The following NPAS3 variants were observed in gnomAD, a reference collection of about 807,000 sequenced individuals.
The protein encoded by NPAS3 is neuronal PAS domain-containing protein 3.
Under a neutral mutation model 73.1 loss-of-function variants are expected in NPAS3, and 14 were observed. The observed-to-expected ratio is 0.19, with a 90% CI of 0.13 to 0.30. The LOEUF is 0.30. NPAS3 is among the 10% of genes least tolerant of loss of function. The pLI, the probability that NPAS3 is intolerant of heterozygous loss-of-function variation, is 1.00. For synonymous variants in NPAS3, 620 were observed against 541.5 expected (o/e 1.14, Z -2.01); for missense variants, 1,096 against 1,250.0 (o/e 0.88, Z 1.86).
At chr14:33,484,431 C>T (rs531111639) in intron 4 of NPAS3, among the ~76,000 whole-genome samples, 14 of 152,252 alleles carry the variant, frequency 9.2e-5, no homozygotes, top group South Asian at 4.1e-4. Flanking sequence ...ACCTTCTTCC[C>T]GTAGTGTGTT....
At chr14:33,410,602 C>T (rs1305891900) in intron 4 of NPAS3, among the ~76,000 whole-genome samples, 1 of 152,160 alleles carries the variant, frequency 6.6e-6, no homozygotes, top group African/African-American at 2.4e-5. Flanking sequence ...GTCAGATCAT[C>T]ACAAAAATGT....
chr14:33,250,634 T>C (rs967244925), intron 3 of NPAS3, among the ~76,000 whole-genome samples: 7 of 152,164 alleles, frequency 4.6e-5, no homozygotes, highest in Non-Finnish European at 8.8e-5. Context: ...CCATCAGTTA[T>C]ATTTATTTGA....
chr14:33,299,395 A>G (rs2042433275), intron 3 of NPAS3, among the ~76,000 whole-genome samples: 1 of 152,084 alleles, frequency 6.6e-6, no homozygotes, highest in Non-Finnish European at 1.5e-5. Context: ...GTTAGAAGAA[A>G]AGCGTGCCCT....
chr14:33,446,417 C>T (rs1304950266), intron 4 of NPAS3, among the ~76,000 whole-genome samples: 11 of 151,924 alleles, frequency 7.2e-5, no homozygotes, highest in African/African-American at 2.7e-4. Flanking sequence ...CCTCATGATC[C>T]ACCCGCCTCG....
At chr14:33,172,506 C>A (rs1430924986) in intron 2 of NPAS3, among the ~76,000 whole-genome samples, 1 of 152,110 alleles carries the variant, frequency 6.6e-6, no homozygotes, top group Non-Finnish European at 1.5e-5. Context: ...GAGGCCAAGG[C>A]AGGCAGATCA....
chr14:33,714,531 G>A (rs2060908403), intron 6 of NPAS3, among the ~76,000 whole-genome samples: 1 of 152,146 alleles, frequency 6.6e-6, no homozygotes, highest in Admixed American at 6.5e-5. Context: ...ATGGATACTT[G>A]GGAGGAGATA....
intron 5 of NPAS3, among the ~76,000 whole-genome samples, chr14:33,578,727 C>T (rs1056212785): frequency 2.0e-5 from 3 of 152,176 alleles, no homozygotes; most frequent in Non-Finnish European, 4.4e-5. Flanking sequence ...CAGTCTTCCA[C>T]TTTAATCAAC....
At chr14:33,794,110 T>A in intron 10 of NPAS3, 66 bp downstream of exon 10, 1 of 1,399,730 alleles carries the variant, frequency 7.1e-7, no homozygotes, top group South Asian at 1.2e-5. Flanking sequence ...AATATGGCTA[T>A]GGTTAATAGC....
chr14:33,009,853 G>A (rs753623931), intron 1 of NPAS3, among the ~76,000 whole-genome samples: 2 of 152,060 alleles, frequency 1.3e-5, no homozygotes, highest in Admixed American at 6.5e-5. Flanking sequence ...CCAAGCAGGC[G>A]CAGACAAGAC....
At chr14:33,635,479 G>A (rs558616961) in intron 5 of NPAS3, among the ~76,000 whole-genome samples, 4 of 152,136 alleles carry the variant, frequency 2.6e-5, no homozygotes, top group Non-Finnish European at 5.9e-5. Flanking sequence ...TAAAAGCCTT[G>A]GGTTTGTTTA....
intron 2 of NPAS3, among the ~76,000 whole-genome samples, chr14:33,206,686 T>C (rs1204355032): frequency 6.6e-6 from 1 of 152,166 alleles, no homozygotes; most frequent in Non-Finnish European, 1.5e-5. Flanking sequence ...AACATATTCA[T>C]GTTTATATTA....
chr14:33,654,387 T>C (rs1265624052), intron 5 of NPAS3, among the ~76,000 whole-genome samples: 1 of 152,204 alleles, frequency 6.6e-6, no homozygotes, highest in Non-Finnish European at 1.5e-5. Flanking sequence ...CTGCACTGGT[T>C]CTGATTTGCC....
chr14:33,698,750 A>C (rs549109152), intron 6 of NPAS3, among the ~76,000 whole-genome samples: 1 of 152,228 alleles, frequency 6.6e-6, no homozygotes, highest in Admixed American at 6.5e-5. Flanking sequence ...CTTTGCACAA[A>C]GAATATTTAT....
chr14:33,184,279 G>A (rs570291233), intron 2 of NPAS3, among the ~76,000 whole-genome samples: 1 of 152,234 alleles, frequency 6.6e-6, no homozygotes, highest in African/African-American at 2.4e-5. Context: ...TTTTGGAAAG[G>A]GGGAAGCGGC....
chr14:33,437,621 C>T (rs983462944), intron 4 of NPAS3, among the ~76,000 whole-genome samples: 1 of 152,160 alleles, frequency 6.6e-6, no homozygotes, highest in African/African-American at 2.4e-5. Context: ...AGGACAACCA[C>T]TTCAGGATTG....
intron 3 of NPAS3, among the ~76,000 whole-genome samples, chr14:33,326,380 G>A (rs543286860): frequency 6.6e-6 from 1 of 152,250 alleles, no homozygotes; most frequent in African/African-American, 2.4e-5. Flanking sequence ...AAAAACAAAA[G>A]CATCGTATTT....
chr14:33,456,625 A>C (rs1470258241), intron 4 of NPAS3, among the ~76,000 whole-genome samples: 2 of 152,168 alleles, frequency 1.3e-5, no homozygotes, highest in African/African-American at 4.8e-5. Context: ...TGAATCAGGG[A>C]AAGCTTTATA....
chr14:33,685,988 A>G (rs1439947846), intron 6 of NPAS3, among the ~76,000 whole-genome samples: 1 of 152,216 alleles, frequency 6.6e-6, no homozygotes, highest in Admixed American at 6.5e-5. Flanking sequence ...CAAACAGATT[A>G]TTATCATAGA....
intron 4 of NPAS3, among the ~76,000 whole-genome samples, chr14:33,543,967 A>C (rs1257306030): frequency 3.1e-5 from 1 of 31,830 alleles, no homozygotes; most frequent in African/African-American, 3.2e-4. Context: ...ATATATATAT[A>C]TATATATATA....
Sources: gnomAD v4.1 joint callset for allele counts (sites outside exome capture counted in the v4.1 genomes callset) on GRCh38, gnomAD v4.1.1 for gene constraint, MANE v1.5 for transcripts, NCBI Gene and HGNC (gene_info 2026-07-23, HGNC 2026-07-21) for gene names.